COPG1: variants seen among roughly 807,000 people sequenced by gnomAD.
COPG1 encodes coat protein complex I subunit gamma 1, also known as coatomer subunit gamma-1.
COPG1 carries 29 observed loss-of-function variants against 102.8 expected under a neutral mutation model. That is an observed-to-expected ratio of 0.28 (90% confidence interval 0.21 to 0.38). The LOEUF (loss-of-function observed/expected upper bound fraction) is 0.38. Ranked by LOEUF, COPG1 falls within the 10% of genes least tolerant of loss-of-function variation. The probability of loss-of-function intolerance (pLI) is 1.00; values close to 1 mark genes in which losing one functional copy is unlikely to be tolerated. For missense variants in COPG1, 875 were observed against 1,132.7 expected (o/e 0.77, Z 3.27); for synonymous variants, 406 against 421.6 (o/e 0.96, Z 0.45).
rs376280268 is a variant in COPG1 at position 129,274,828 on chromosome 3, A to G, written c.2257-10A>G. 3 of 1,613,900 alleles carry G rather than the reference A, an allele frequency of 1.9e-6. No individual in the cohort carries two copies. Among genetic ancestry groups the G allele is most frequent in the African/African-American group, 2.7e-5 (2 of 74,982 alleles). ...AGATGGGTGCCTGATTTCTACCTCC[A>G]TCTCTCCAGCTGGAAGATCTGGAAG... On this transcript the variant is annotated splice_polypyrimidine_tract_variant and intron_variant, in intron 21 of 23. Coordinates refer to ENST00000314797, the MANE Select transcript of COPG1 (RefSeq NM_016128.4).
In COPG1 at chr3:129,269,012, T is replaced by A; in HGVS notation, c.1843+12T>A. 6.2e-7 allele frequency: 1 copy of A among 1,612,866 alleles called. No individual in the cohort carries two copies. The highest frequency in any genetic ancestry group is 8.5e-7 in the Non-Finnish European group (1 of 1,179,026). On this transcript the variant is annotated intron_variant, in intron 18 of 23. Transcript: ENST00000314797. The stretch of plus-strand genomic sequence containing the variant: ...GGAGATCTTCCAGGGTGAGTCACAG[T>A]GGTTGGGGGATGCTTGGGACCTGGG...
intron 10 of COPG1, among the ~76,000 whole-genome samples, chr3:129,259,620 G>T (rs565752905): frequency 6.6e-6 from 1 of 152,002 alleles, no homozygotes; most frequent in South Asian, 2.1e-4. Flanking sequence ...AATTTTTTTT[G>T]AGTATTAGAG....
chr3:129,255,708 C>G lies in COPG1; in HGVS notation c.493-360C>G, dbSNP rs533628455. ...ATGTTGGTCAGGCTGGTCTTGAGCT[C>G]CTGACTTCAAGTGATCCACCCGCCT... is the stretch of plus-strand genomic sequence containing the variant. On this transcript the variant is annotated intron_variant, in intron 7 of 23. Transcript: ENST00000314797. Among the ~76,000 whole-genome samples the G allele has an allele frequency of 3.3e-5, 5 of 151,490 alleles. No homozygotes were observed. The East Asian group carries it at 9.8e-4, about 30-fold the overall frequency.
chr3:129,262,186 G>A (rs1414603994), intron 12 of COPG1, among the ~76,000 whole-genome samples: 2 of 152,024 alleles, frequency 1.3e-5, no homozygotes, highest in African/African-American at 4.8e-5. Context: ...GGCCAAGGAG[G>A]GAGGATCACT....
Position 129,254,666 on chromosome 3 carries a change from A to G in COPG1, c.324-2A>G. On this transcript the variant is annotated splice_acceptor_variant, in intron 5 of 23. Coordinates refer to ENST00000314797, the MANE Select transcript of COPG1 (RefSeq NM_016128.4). LOFTEE classifies it high-confidence loss of function. ...ATGCTGACAATGCCTTCTTCCCTGC[A>G]GCCTAACAAAAGACATGACTGGGAA... is the stretch of plus-strand genomic sequence containing the variant. 6.2e-7 allele frequency: 1 copy of G among 1,613,786 alleles called. No homozygotes were observed. The highest frequency in any genetic ancestry group is 8.5e-7 in the Non-Finnish European group (1 of 1,179,684).
At chr3:129,257,659 A>G (rs761996406) in intron 9 of COPG1, 32 bp downstream of exon 9, 8 of 1,614,054 alleles carry the variant, frequency 5.0e-6, no homozygotes, top group Non-Finnish European at 6.8e-6. Context: ...CAGCTAGATG[A>G]TGCCTCACTC....
At chr3:129,274,680 C>T (rs1031625863) in intron 21 of COPG1, among the ~76,000 whole-genome samples, 158 bp from the exon 22 acceptor site, 1 of 152,118 alleles carries the variant, frequency 6.6e-6, no homozygotes, top group Non-Finnish European at 1.5e-5. Context: ...AGGATAGGTA[C>T]CTGGTCAAGT....
chr3:129,272,185 C>A, intron 19 of COPG1, 59 bp from the exon 20 acceptor site: 1 of 1,504,530 alleles, frequency 6.6e-7, no homozygotes, highest in South Asian at 1.2e-5. Context: ...CTGGCTTTTC[C>A]TCTGCAGCAT....
chr3:129,275,382 G>A lies in COPG1; in HGVS notation c.2494+90G>A. The stretch of plus-strand genomic sequence containing the variant: ...GGCTAAGGACTCCACTGTAAATATG[G>A]GGAGTCAAAATTCACAGCATTTAAA... On this transcript the variant is annotated intron_variant, in intron 23 of 23. Coordinates refer to ENST00000314797, the MANE Select transcript of COPG1 (RefSeq NM_016128.4). This position sits in a 1 kb window ranked among gnomAD's most constrained non-coding sequence, Gnocchi z 5.0. 1.1e-6 allele frequency: 1 copy of A among 899,250 alleles called. No individual in the cohort carries two copies. The allele number at this position is 899,250 out of a possible 1,614,324, so 55.7% of individuals were successfully genotyped here.
rs4927914 is a variant in COPG1 at position 129,254,820 on chromosome 3, T to C, written c.399+77T>C. On this transcript the variant is annotated intron_variant, in intron 6 of 23. Coordinates refer to ENST00000314797, the MANE Select transcript of COPG1 (RefSeq NM_016128.4). ...GCATCATCTTTTGCATTCTTTGGGG[T>C]GTCCCCTATCACTGAGCCAGGTGAT... 45,909 of 1,399,244 alleles carry C rather than the reference T, an allele frequency of 0.033. 5,305 individuals carry two copies. The African/African-American group carries it at 0.35, about 11-fold the overall frequency. 86.7% of individuals were successfully genotyped at this position (1,399,244 alleles called of 1,614,324 possible). A position where few individuals can be genotyped will look rare whatever the true frequency, so the allele number is the denominator to read the frequency against.
At chr3:129,265,480 T>C in intron 13 of COPG1, 69 bp from the exon 14 acceptor site, 1 of 1,574,024 alleles carries the variant, frequency 6.4e-7, no homozygotes, top group East Asian at 2.2e-5. Context: ...CTGTCCTTGG[T>C]CCAGCTCAGG....
intron 12 of COPG1, among the ~76,000 whole-genome samples, chr3:129,261,175 A>G (rs1576964395): frequency 6.6e-6 from 1 of 152,300 alleles, no homozygotes. Flanking sequence ...CTTTCTAGGG[A>G]TGGGAGAGGA....
chr3:129,255,201 C>T (rs534293167), intron 7 of COPG1, 124 bp downstream of exon 7: 29 of 648,638 alleles, frequency 4.5e-5, no homozygotes, highest in East Asian at 3.4e-4. Context: ...TTGATTGAGA[C>T]GGAGTCTCAC....
chr3:129,260,113 T>TAACA (rs1939894381), intron 10 of COPG1: 1 of 583,446 alleles, frequency 1.7e-6, no homozygotes, highest in Non-Finnish European at 3.1e-6. Context: ...GCCCAGTGAA[T>TAACA]AACAGCCCTC....
chr3:129,252,558 G>A, intron 3 of COPG1, 65 bp from the exon 4 acceptor site: 1 of 1,379,292 alleles, frequency 7.3e-7, no homozygotes, highest in East Asian at 2.3e-5. Context: ...GGTGTGGGCT[G>A]ATCCTGAAAG....
chr3:129,265,383 C>T (rs1490361891), intron 13 of COPG1, among the ~76,000 whole-genome samples, 166 bp from the exon 14 acceptor site: 1 of 152,178 alleles, frequency 6.6e-6, no homozygotes, highest in African/African-American at 2.4e-5. Context: ...TGAGCCACTG[C>T]ACCTGACCAG....
intron 16 of COPG1, among the ~76,000 whole-genome samples, 174 bp from the exon 17 acceptor site, chr3:129,268,321 C>T (rs1319933860): frequency 6.6e-6 from 1 of 152,226 alleles, no homozygotes; most frequent in Non-Finnish European, 1.5e-5. Flanking sequence ...ATTCCCCACA[C>T]CTACCCTGTA....
At chr3:129,252,404 GA>G (rs758750587) in intron 3 of COPG1, 43 bp downstream of exon 3, 1 of 1,386,200 alleles carries the variant, frequency 7.2e-7, no homozygotes, top group African/African-American at 1.4e-5. Context: ...GGTGCTGGGG[GA>G]TTGGAGGGGA....
At chr3:129,263,813 A>C in intron 12 of COPG1, 91 bp from the exon 13 acceptor site, 1 of 1,069,370 alleles carries the variant, frequency 9.4e-7, no homozygotes, top group Non-Finnish European at 1.4e-6. Context: ...GCCTGGCCTT[A>C]CCTAAGGAAG....
Sources: allele counts gnomAD v4.1 joint callset (sites outside exome capture counted in the v4.1 genomes callset), GRCh38; gene constraint gnomAD v4.1.1; non-coding constraint Gnocchi (gnomAD v3.1); transcripts MANE v1.5; gene names NCBI Gene and HGNC (gene_info 2026-07-23, HGNC 2026-07-21).